Variants in CPT1A observed in about 807,000 individuals in gnomAD.
CPT1A encodes the protein carnitine palmitoyltransferase 1A.
A neutral mutation model predicts 100.8 loss-of-function variants in CPT1A; 64 were observed. The ratio of observed to expected loss-of-function variants is 0.63; its 90% CI spans 0.52 to 0.78. The LOEUF is 0.78. CPT1A is among the 30% of genes least tolerant of loss of function. CPT1A has a pLI of 0.00. For synonymous variants in CPT1A, 363 were observed against 396.0 expected, an observed-to-expected ratio of 0.92 and a Z score of 0.99; for missense variants, 802 against 1,034.1, an observed-to-expected ratio of 0.78 and a Z score of 3.08.
At chr11:68,822,426 G>A (rs1856609346) in intron 1 of CPT1A, among the ~76,000 whole-genome samples, 1 of 151,954 alleles carries the variant, frequency 6.6e-6, no homozygotes, top group African/African-American at 2.4e-5. Flanking sequence ...CTAGCAACTT[G>A]GGAGGCTGAG....
At chr11:68,836,159 C>T (rs1268090269) in intron 1 of CPT1A, among the ~76,000 whole-genome samples, 2 of 152,182 alleles carry the variant, frequency 1.3e-5, no homozygotes, top group Admixed American at 6.5e-5. Flanking sequence ...CATTGAGCCA[C>T]TGTGTGTATT....
intron 5 of CPT1A, among the ~76,000 whole-genome samples, chr11:68,801,782 C>T (rs760720474): frequency 8.6e-5 from 13 of 151,510 alleles, no homozygotes; most frequent in Non-Finnish European, 1.9e-4. Context: ...AACTAAAGCA[C>T]CCATGCACTG....
intron 3 of CPT1A, among the ~76,000 whole-genome samples, chr11:68,811,352 T>G (rs1027529583): frequency 1.3e-5 from 2 of 152,148 alleles, no homozygotes; most frequent in Non-Finnish European, 2.9e-5. Flanking sequence ...GAATCAAACG[T>G]CTGGCACGGG....
chr11:68,811,014 TGTGA>T (rs943414179), intron 3 of CPT1A, among the ~76,000 whole-genome samples: 1 of 152,158 alleles, frequency 6.6e-6, no homozygotes. Context: ...AGCCGTTAAC[TGTGA>T]GTGAGTTTTC....
At chr11:68,762,131 T>C (rs1477551824) in intron 15 of CPT1A, among the ~76,000 whole-genome samples, 1 of 152,162 alleles carries the variant, frequency 6.6e-6, no homozygotes, top group Non-Finnish European at 1.5e-5. Context: ...TCTTTATCTA[T>C]GGAAATGAAC....
chr11:68,775,274 C>T (rs746427304), intron 13 of CPT1A, 42 bp downstream of exon 13: 1 of 1,480,826 alleles, frequency 6.8e-7, no homozygotes, highest in Non-Finnish European at 9.4e-7. Context: ...AATGTGTTTC[C>T]CATCCCAGGT....
At chr11:68,803,914 G>T (rs1855975356) in intron 5 of CPT1A, 86 bp downstream of exon 5, 2 of 1,060,066 alleles carry the variant, frequency 1.9e-6, no homozygotes, top group Non-Finnish European at 2.9e-6. Context: ...GAGCCAAATG[G>T]CGGTGACCTA....
intron 3 of CPT1A, among the ~76,000 whole-genome samples, chr11:68,809,448 G>A (rs1566373446): frequency 6.6e-6 from 1 of 152,168 alleles, no homozygotes; most frequent in Non-Finnish European, 1.5e-5. Flanking sequence ...AAGGCTGTCG[G>A]GGACAAACTC....
chr11:68,783,946 T>C (rs1855383756), intron 10 of CPT1A, among the ~76,000 whole-genome samples: 1 of 152,214 alleles, frequency 6.6e-6, no homozygotes, highest in African/African-American at 2.4e-5. Flanking sequence ...CATGGCTTAC[T>C]GCAACCTCAA....
intron 11 of CPT1A, among the ~76,000 whole-genome samples, 199 bp downstream of exon 11, chr11:68,781,572 A>G (rs1454883524): frequency 6.6e-6 from 1 of 152,222 alleles, no homozygotes; most frequent in African/African-American, 2.4e-5. Flanking sequence ...GTGAGCCGAG[A>G]TCAAGCCACT....
At chr11:68,781,741 C>A in intron 11 of CPT1A, 30 bp downstream of exon 11, 1 of 1,609,042 alleles carries the variant, frequency 6.2e-7, no homozygotes, top group Non-Finnish European at 8.5e-7. Context: ...CATGGGCAAA[C>A]TCCTGTCTCT....
chr11:68,813,720 AG>A (rs1209188475), intron 2 of CPT1A, among the ~76,000 whole-genome samples: 1 of 148,544 alleles, frequency 6.7e-6, no homozygotes, highest in Non-Finnish European at 1.5e-5. Flanking sequence ...AGGGGAGGGG[AG>A]GGGAGAGGGA....
At chr11:68,825,532 C>T (rs867857332) in intron 1 of CPT1A, among the ~76,000 whole-genome samples, 8 of 152,172 alleles carry the variant, frequency 5.3e-5, no homozygotes, top group African/African-American at 9.7e-5. Context: ...CCCCTTACCC[C>T]GTCCCCACTA....
intron 9 of CPT1A, among the ~76,000 whole-genome samples, chr11:68,792,814 C>T (rs555201753): frequency 7.8e-4 from 119 of 152,206 alleles, no homozygotes; most frequent in Non-Finnish European, 1.4e-3. Flanking sequence ...TTCGGGAGGC[C>T]GAAGCGGGCG....
chr11:68,785,871 C>A, intron 9 of CPT1A: 12 of 533,434 alleles, frequency 2.2e-5, no homozygotes, highest in South Asian at 1.6e-4. Context: ...ATTACGAAAC[C>A]AAGCCATTCC....
Position 68,781,879 on chromosome 11 carries a change from G to A in CPT1A, c.1244C>T (p.Ala415Val), listed in dbSNP as rs528019785. 1.9e-5 allele frequency: 30 copies of A among 1,614,070 alleles called. No individual in the cohort carries two copies. The highest frequency in any genetic ancestry group is 2.3e-5 in the Non-Finnish European group (27 of 1,179,970). Residue 415 changes from alanine to valine, a missense_variant, in exon 11 of 19, where the codon GCG becomes GTG. Physicochemically the swap from Ala to Val is moderately conservative, Grantham distance 64. Coordinates refer to ENST00000265641, the MANE Select transcript of CPT1A (RefSeq NM_001876.4). ...KQSLDAVEKA[A>V]FFVTLDETEE... ...AGTTTCATCTAACGTCACAAAGAAC[G>A]CTGCTTTCTCCACAGCATCAAGAGA...
intron 2 of CPT1A, 115 bp from the exon 3 acceptor site, chr11:68,812,691 T>C: frequency 8.1e-7 from 1 of 1,240,152 alleles, no homozygotes; most frequent in Non-Finnish European, 1.2e-6. Context: ...GAAGAGGGTG[T>C]GGACAGCGTG....
chr11:68,834,153 T>G (rs970244137), intron 1 of CPT1A, among the ~76,000 whole-genome samples: 2 of 152,222 alleles, frequency 1.3e-5, no homozygotes, highest in Admixed American at 1.3e-4. Flanking sequence ...AAAGGAATTC[T>G]GGGCTGGGCA....
intron 1 of CPT1A, among the ~76,000 whole-genome samples, chr11:68,826,768 C>T (rs913047258): frequency 1.3e-5 from 2 of 151,704 alleles, no homozygotes; most frequent in African/African-American, 2.4e-5. Flanking sequence ...TGGCCCTCAG[C>T]GTGACTTTCT....
Sources: gnomAD v4.1 joint callset for allele counts (sites outside exome capture counted in the v4.1 genomes callset) on GRCh38, gnomAD v4.1.1 for gene constraint, MANE v1.5 for transcripts, NCBI Gene and HGNC (gene_info 2026-07-23, HGNC 2026-07-21) for gene names.